Variants in FNBP1L observed in about 807,000 individuals in gnomAD.
FNBP1L encodes the protein formin binding protein 1 like.
Under a neutral mutation model 91.2 loss-of-function variants are expected in FNBP1L, and 36 were observed. That is an observed-to-expected ratio of 0.39 (90% CI 0.30 to 0.52). The LOEUF (loss-of-function observed/expected upper bound fraction) is 0.52. FNBP1L is among the 20% of genes least tolerant of loss of function. FNBP1L has a pLI of 0.66. For missense variants in FNBP1L, 571 were observed against 732.1 expected (o/e 0.78, Z 2.54); for synonymous variants, 242 against 237.0 (o/e 1.02, Z -0.19).
intron 2 of FNBP1L, among the ~76,000 whole-genome samples, chr1:93,508,363 ATG>A: frequency 6.6e-6 from 1 of 152,202 alleles, no homozygotes; most frequent in South Asian, 2.1e-4. Flanking sequence ...TAATAAATTG[ATG>A]TGTCTTCTTT....
chr1:93,456,113 T>C (rs1461646182), intron 1 of FNBP1L, among the ~76,000 whole-genome samples: 1 of 152,078 alleles, frequency 6.6e-6, no homozygotes, highest in Non-Finnish European at 1.5e-5. Flanking sequence ...GGAAAAATAA[T>C]GTCTGACTGC....
chr1:93,489,790 G>T lies in FNBP1L; in HGVS notation c.25-9678G>T, dbSNP rs570173471. 5.9e-5 allele frequency among the ~76,000 whole-genome samples: 9 copies of T among 152,286 alleles called. No individual in the cohort carries two copies. The South Asian group carries it at 1.9e-3, about 32-fold the overall frequency. ...CTCAATTTTCTTTGAGGATAGACAT[G>T]GTTGATCCTGAATGGAAGTTGGTGT... On this transcript the variant is annotated intron_variant, in intron 1 of 16. Coordinates refer to ENST00000271234, the MANE Select transcript of FNBP1L (RefSeq NM_001164473.3).
intron 4 of FNBP1L, among the ~76,000 whole-genome samples, chr1:93,523,900 C>T (rs1671417056): frequency 6.6e-6 from 1 of 152,180 alleles, no homozygotes; most frequent in Non-Finnish European, 1.5e-5. Context: ...TTGCATCACA[C>T]TAGCAGAGTT....
chr1:93,551,626 A>G, intron 16 of FNBP1L: 1 of 984,904 alleles, frequency 1.0e-6, no homozygotes, highest in Non-Finnish European at 1.2e-6. Context: ...AAATAATAAC[A>G]TCATTTTCAT....
At chr1:93,452,135 A>G (rs1194542997) in intron 1 of FNBP1L, among the ~76,000 whole-genome samples, 1 of 152,180 alleles carries the variant, frequency 6.6e-6, no homozygotes, top group Non-Finnish European at 1.5e-5. Context: ...ATTGTAAGTG[A>G]CTAGATTGTC....
At chr1:93,451,771 C>T (rs1249570844) in intron 1 of FNBP1L, among the ~76,000 whole-genome samples, 1 of 152,052 alleles carries the variant, frequency 6.6e-6, no homozygotes, top group Non-Finnish European at 1.5e-5. Context: ...CCCACCTCAG[C>T]CCCCCGAGTA....
At position 93,510,168 on chromosome 1, in the gene FNBP1L, C is replaced by T. The variant is rs1024974262; in HGVS notation, c.140+10585C>T. Among the ~76,000 whole-genome samples the T allele has an allele frequency of 1.1e-3, 169 of 152,326 alleles. 1 individual carries two copies. Among genetic ancestry groups the T allele is most frequent in the Non-Finnish European group, 1.6e-3 (109 of 68,028 alleles). On this transcript the variant is annotated intron_variant, in intron 2 of 16. Coordinates refer to ENST00000271234, the MANE Select transcript of FNBP1L (RefSeq NM_001164473.3). The stretch of plus-strand genomic sequence containing the variant: ...TCCACCTCTGGGGGCAGGGCACAGA[C>T]AAACAAAAAGCAGTAACCTCTGCAG...
At chr1:93,452,483 G>C (rs1668529982) in intron 1 of FNBP1L, among the ~76,000 whole-genome samples, 1 of 152,216 alleles carries the variant, frequency 6.6e-6, no homozygotes, top group Non-Finnish European at 1.5e-5. Flanking sequence ...TTGATTGATA[G>C]CTTGGTAATG....
chr1:93,469,500 G>A (rs1024876518), intron 1 of FNBP1L, among the ~76,000 whole-genome samples: 1 of 152,046 alleles, frequency 6.6e-6, no homozygotes, highest in African/African-American at 2.4e-5. Context: ...ATGGACATTT[G>A]GGTTGGTTTG....
chr1:93,551,977 AC>A, intron 16 of FNBP1L: 1 of 991,044 alleles, frequency 1.0e-6, no homozygotes, highest in Non-Finnish European at 1.2e-6. Context: ...GATAGAGGAA[AC>A]CTTGAATGGA....
rs557664262 is a variant in FNBP1L, at chr1:93,509,603, A to G, written c.140+10020A>G. On this transcript the variant is annotated intron_variant, in intron 2 of 16. Transcript: ENST00000271234. The stretch of plus-strand genomic sequence containing the variant: ...TGATATATAAAATGTAGTCAATCGG[A>G]GGAGCCAAGATGGCCGAATAGGAAC... Among the ~76,000 whole-genome samples the G allele has an allele frequency of 3.3e-5, 5 of 152,364 alleles. No homozygotes were observed. The East Asian group carries it at 5.8e-4, about 18-fold the overall frequency.
intron 1 of FNBP1L, among the ~76,000 whole-genome samples, chr1:93,493,915 A>G (rs1043809039): frequency 6.6e-6 from 1 of 152,316 alleles, no homozygotes; most frequent in Non-Finnish European, 1.5e-5. Flanking sequence ...TCTGACACCA[A>G]ACACATGAGT....
At chr1:93,473,439 C>G (rs1669375743) in intron 1 of FNBP1L, among the ~76,000 whole-genome samples, 1 of 152,128 alleles carries the variant, frequency 6.6e-6, no homozygotes, top group Admixed American at 6.5e-5. Context: ...TAAAGCTAAA[C>G]TCTGATCTAG....
intron 1 of FNBP1L, among the ~76,000 whole-genome samples, chr1:93,450,345 C>G (rs1668451381): frequency 6.6e-6 from 1 of 152,058 alleles, no homozygotes; most frequent in Non-Finnish European, 1.5e-5. Flanking sequence ...TTTGGAAATT[C>G]TGAAAAAGAT....
In FNBP1L at chr1:93,492,910, G is replaced by A. The variant is rs562162367; in HGVS notation, c.25-6558G>A. 1.1e-4 allele frequency among the ~76,000 whole-genome samples: 16 copies of A among 152,244 alleles called. 1 individual carries two copies. The South Asian group carries it at 3.3e-3, about 32-fold the overall frequency. On this transcript the variant is annotated intron_variant, in intron 1 of 16. Coordinates refer to ENST00000271234, the MANE Select transcript of FNBP1L (RefSeq NM_001164473.3). ...TTCTTAATGTGTTTGAGAATAAAAC[G>A]TAAACAATGTTTATTAACAAAGAAA... is the stretch of plus-strand genomic sequence containing the variant.
chr1:93,517,000 C>T (rs1386337050), intron 2 of FNBP1L, among the ~76,000 whole-genome samples: 3 of 151,426 alleles, frequency 2.0e-5, no homozygotes, highest in Non-Finnish European at 4.4e-5. Flanking sequence ...CTTCTTCACC[C>T]TGTTCTTCCT....
At chr1:93,510,018 G>A (rs1157136557) in intron 2 of FNBP1L, among the ~76,000 whole-genome samples, 2 of 152,182 alleles carry the variant, frequency 1.3e-5, no homozygotes, top group Non-Finnish European at 2.9e-5. Flanking sequence ...ACTGCAAGGT[G>A]GCAGCCAGGC....
rs748207824 is a variant in FNBP1L at position 93,549,399 on chromosome 1, C to T, written c.1624C>T (p.His542Tyr). 2 of 1,601,262 alleles carry T rather than the reference C, an allele frequency of 1.2e-6. No homozygotes were observed. The highest frequency in any genetic ancestry group is 2.7e-5 in the African/African-American group (2 of 74,184). Residue 542 changes from histidine (H) to tyrosine (Y), a missense_variant, in exon 15 of 17, where the codon CAC (histidine) becomes TAC (tyrosine). His to Tyr is a moderately conservative substitution (Grantham distance 83, BLOSUM62 2). Around this residue, in one of 5 missense-constraint regions of FNBP1L, gnomAD observed 189 missense variants for 219.7 expected, o/e 0.86. Coordinates refer to ENST00000271234, the MANE Select transcript of FNBP1L (RefSeq NM_001164473.3). ...EDDDPLPAIG[H>Y]CKAIYPFDGH... is the part of the protein sequence containing the mutation. Reference sequence around the variant, plus strand: ...TGATGATCCCTTGCCTGCTATTGGACACTGCAAAGCTATCTACCCTTTTGA... The same window carrying T: ...TGATGATCCCTTGCCTGCTATTGGATACTGCAAAGCTATCTACCCTTTTGA...
At chr1:93,517,153 C>T (rs1477747010) in intron 2 of FNBP1L, among the ~76,000 whole-genome samples, 1 of 151,376 alleles carries the variant, frequency 6.6e-6, no homozygotes, top group African/African-American at 2.4e-5. Context: ...AAGCAGTTCT[C>T]ATACCTCACC....
Sources: gnomAD v4.1 joint callset for allele counts (sites outside exome capture counted in the v4.1 genomes callset) on GRCh38, gnomAD v4.1.1 for gene constraint, gnomAD v4.1.1 regional missense constraint, MANE v1.5 for transcripts, NCBI Gene and HGNC (gene_info 2026-07-23, HGNC 2026-07-21) for gene names.